ANK1: variants seen among roughly 807,000 people sequenced by gnomAD.
ANK1 encodes ankyrin 1.
Under a neutral mutation model 210.4 loss-of-function variants are expected in ANK1, and 51 were observed. The observed-to-expected ratio is 0.24, with a 90% CI of 0.19 to 0.31. The LOEUF (loss-of-function observed/expected upper bound fraction) is 0.31. Among genes scored for constraint, ANK1 ranks in the 10% least tolerant of loss-of-function variants. The pLI is 1.00. For missense variants in ANK1, 2,051 were observed against 2,504.4 expected, an observed-to-expected ratio of 0.82 and a Z score of 3.86; for synonymous variants, 967 against 1,025.9, an observed-to-expected ratio of 0.94 and a Z score of 1.10.
At chr8:41,697,868 C>T (rs377020945) in intron 24 of ANK1, 175 bp downstream of exon 24, 82 of 709,776 alleles carry the variant, frequency 1.2e-4, no homozygotes, top group East Asian at 8.2e-4. Context: ...GCCCACCCAG[C>T]GCCACCAATG....
chr8:41,814,023 C>A (rs1802896471), intron 1 of ANK1, among the ~76,000 whole-genome samples: 1 of 152,206 alleles, frequency 6.6e-6, no homozygotes, highest in South Asian at 2.1e-4. Flanking sequence ...GTTACAAGAA[C>A]AGATTCTTAT....
intron 1 of ANK1, among the ~76,000 whole-genome samples, chr8:41,891,864 C>A (rs986660342): frequency 2.6e-5 from 4 of 152,168 alleles, no homozygotes; most frequent in Middle Eastern, 3.2e-3. Flanking sequence ...GAAACAAATG[C>A]TCTAATAATT....
intron 42 of ANK1, among the ~76,000 whole-genome samples, chr8:41,659,972 T>G (rs529131302): frequency 6.6e-6 from 1 of 152,190 alleles, no homozygotes; most frequent in East Asian, 1.9e-4. Context: ...AAAGAGAAAT[T>G]TAAAGCCACA....
intron 1 of ANK1, among the ~76,000 whole-genome samples, chr8:41,780,573 T>C (rs16890829): frequency 0.011 from 1,676 of 152,278 alleles, 41 homozygotes; most frequent in African/African-American, 0.038. Context: ...AATGGGCCAA[T>C]GTGTCTCAGA....
intron 1 of ANK1, among the ~76,000 whole-genome samples, chr8:41,769,030 T>C (rs752257806): frequency 4.6e-5 from 7 of 151,458 alleles, no homozygotes; most frequent in African/African-American, 1.5e-4. Context: ...CAAAGCCAGG[T>C]ACGCTTCAAA....
intron 1 of ANK1, among the ~76,000 whole-genome samples, chr8:41,813,284 C>T (rs986268498): frequency 6.6e-5 from 10 of 152,130 alleles, no homozygotes; most frequent in African/African-American, 2.4e-4. Flanking sequence ...CTTCAGCTTG[C>T]GGGGCTTCTG....
chr8:41,876,071 T>C (rs11782674), intron 1 of ANK1, among the ~76,000 whole-genome samples: 33,347 of 151,754 alleles, frequency 0.22, 3,984 homozygotes, highest in South Asian at 0.38. Flanking sequence ...CTTCCACCAA[T>C]CCCCTCGCCT....
At chr8:41,734,770 G>C (rs1250043064) in intron 2 of ANK1, among the ~76,000 whole-genome samples, 1 of 152,030 alleles carries the variant, frequency 6.6e-6, no homozygotes, top group Non-Finnish European at 1.5e-5. Context: ...AGGTGTGGTA[G>C]TGTGTGCCTA....
intron 1 of ANK1, among the ~76,000 whole-genome samples, chr8:41,803,085 G>GGAAGGAAAGGA (rs1563811160): frequency 1.7e-5 from 1 of 59,994 alleles, no homozygotes. Context: ...GGAAGGAAGG[G>GGAAGGAAAGGA]AAGGAAAGGA....
chr8:41,689,687 C>T (rs1049321263), intron 33 of ANK1, among the ~76,000 whole-genome samples: 10 of 152,164 alleles, frequency 6.6e-5, no homozygotes, highest in Non-Finnish European at 4.4e-5. Context: ...AATGAACATA[C>T]GTGGCCAAGA....
chr8:41,734,734 A>G (rs1381072070), intron 2 of ANK1, among the ~76,000 whole-genome samples: 2 of 142,864 alleles, frequency 1.4e-5, no homozygotes, highest in African/African-American at 5.7e-5. Context: ...TCTACAAAAG[A>G]AAAAAAAAAG....
intron 1 of ANK1, among the ~76,000 whole-genome samples, chr8:41,820,253 G>A (rs1047202659): frequency 4.6e-5 from 7 of 151,418 alleles, no homozygotes; most frequent in African/African-American, 1.2e-4. Context: ...TCAAACTCCT[G>A]GACTCAAGTG....
intron 1 of ANK1, chr8:41,803,520 G>T (rs1850490346): frequency 1.3e-5 from 2 of 151,822 alleles, no homozygotes; most frequent in African/African-American, 2.4e-5. Flanking sequence ...AGGACATTTT[G>T]TTCTCTTCTT....
Position 41,704,565 on chromosome 8 carries a change from G to A in ANK1, c.2098-93C>T. The A allele has an allele frequency of 8.9e-7, 1 of 1,118,898 alleles. No individual in the cohort carries two copies. The highest frequency in any genetic ancestry group is 1.4e-6 in the Non-Finnish European group (1 of 738,544). 69.3% of individuals were successfully genotyped at this position (1,118,898 alleles called of 1,614,324 possible). On this transcript the variant is annotated intron_variant, in intron 18 of 42. Transcript: ENST00000289734. The surrounding 1 kb of genome is among the most constrained non-coding windows in gnomAD (Gnocchi z 4.1). ...AAGCAGCTGATTCAAAGAGAGAACGGACAGGGAGCCCCTTGAAGGCTGACA... is the reference window on the plus strand; with the variant it reads ...AAGCAGCTGATTCAAAGAGAGAACGAACAGGGAGCCCCTTGAAGGCTGACA...
intron 3 of ANK1, among the ~76,000 whole-genome samples, chr8:41,728,692 T>A (rs1471490449): frequency 3.9e-5 from 6 of 152,210 alleles, no homozygotes; most frequent in African/African-American, 1.4e-4. Context: ...CCTTTTTTTC[T>A]ATTATGTATC....
intron 2 of ANK1, among the ~76,000 whole-genome samples, chr8:41,756,343 A>G (rs1055837234): frequency 2.1e-5 from 3 of 142,508 alleles, no homozygotes; most frequent in African/African-American, 7.8e-5. Flanking sequence ...ACAGGGCTTC[A>G]CCATATTGGC....
chr8:41,748,173 A>T (rs1836661915), intron 2 of ANK1, among the ~76,000 whole-genome samples: 1 of 152,158 alleles, frequency 6.6e-6, no homozygotes, highest in Admixed American at 6.5e-5. Flanking sequence ...TTTAACACAG[A>T]ACACTCTTCT....
intron 20 of ANK1, among the ~76,000 whole-genome samples, chr8:41,703,596 A>G (rs1480879099): frequency 6.6e-6 from 1 of 150,548 alleles, no homozygotes; most frequent in Non-Finnish European, 1.5e-5. Context: ...CTATCCTCCC[A>G]CTTCAGCCTC....
At chr8:41,723,496 C>G (rs893320841) in intron 8 of ANK1, 39 bp downstream of exon 8, 1 of 1,595,860 alleles carries the variant, frequency 6.3e-7, no homozygotes, top group Non-Finnish European at 8.6e-7. Context: ...GGGGGGACCT[C>G]CCTCCCCCTG....
Sources: allele counts gnomAD v4.1 joint callset (sites outside exome capture counted in the v4.1 genomes callset), GRCh38; gene constraint gnomAD v4.1.1; non-coding constraint Gnocchi (gnomAD v3.1); transcripts MANE v1.5; gene names NCBI Gene and HGNC (gene_info 2026-07-23, HGNC 2026-07-21).